The following AUH variants were observed in gnomAD, a reference collection of about 807,000 sequenced individuals.
The protein encoded by AUH is methylglutaconyl-CoA hydratase, mitochondrial.
A neutral mutation model predicts 42.3 loss-of-function variants in AUH; 29 were observed. That is an observed-to-expected ratio of 0.69 (90% CI 0.51 to 0.93). AUH has a LOEUF of 0.93. Ranked by LOEUF, AUH falls within the 40% of genes least tolerant of loss-of-function variation. The pLI, the probability that AUH is intolerant of heterozygous loss-of-function variation, is 0.00. For synonymous variants in AUH, 174 were observed against 166.4 expected (o/e 1.05, Z -0.35); for missense variants, 452 against 438.1 (o/e 1.03, Z -0.28).
At chr9:91,225,542 TTTTTTA>T (rs1440797298) in intron 6 of AUH, among the ~76,000 whole-genome samples, 1 of 150,632 alleles carries the variant, frequency 6.6e-6, no homozygotes, top group East Asian at 2.0e-4. Context: ...CCAGTTCTTT[TTTTTTA>T]TTATTATTAT....
chr9:91,228,723 G>C (rs1433455391), intron 6 of AUH, among the ~76,000 whole-genome samples: 1 of 151,138 alleles, frequency 6.6e-6, no homozygotes, highest in Non-Finnish European at 1.5e-5. Flanking sequence ...ACACTGCTTT[G>C]AATGTGTCCC....
intron 3 of AUH, among the ~76,000 whole-genome samples, chr9:91,345,460 T>C (rs2132008021): frequency 6.6e-6 from 1 of 152,158 alleles, no homozygotes; most frequent in East Asian, 1.9e-4. Flanking sequence ...TCAAAATATA[T>C]GAAAAACTTA....
At chr9:91,317,044 T>C (rs1829212430) in intron 4 of AUH, among the ~76,000 whole-genome samples, 2 of 152,224 alleles carry the variant, frequency 1.3e-5, no homozygotes, top group African/African-American at 4.8e-5. Flanking sequence ...ACATATCAAC[T>C]TCCCCACTTG....
intron 3 of AUH, among the ~76,000 whole-genome samples, chr9:91,344,462 A>C (rs1446756539): frequency 1.3e-5 from 2 of 152,170 alleles, no homozygotes; most frequent in Admixed American, 1.3e-4. Context: ...CATTCTCATG[A>C]TCTCCTGGGG....
At chr9:91,244,669 G>T (rs1828699100) in intron 6 of AUH, among the ~76,000 whole-genome samples, 1 of 152,122 alleles carries the variant, frequency 6.6e-6, no homozygotes, top group Non-Finnish European at 1.5e-5. Context: ...GTGTCCTGAG[G>T]GTTCTAAACC....
intron 3 of AUH, among the ~76,000 whole-genome samples, chr9:91,337,304 T>A (rs965108217): frequency 2.0e-5 from 3 of 152,242 alleles, no homozygotes; most frequent in Non-Finnish European, 4.4e-5. Context: ...TTAAGAGGTA[T>A]GAATACTAAC....
intron 6 of AUH, among the ~76,000 whole-genome samples, chr9:91,244,478 A>C (rs1236469621): frequency 1.3e-5 from 2 of 152,244 alleles, no homozygotes; most frequent in African/African-American, 4.8e-5. Context: ...TGTTTTAACA[A>C]ATTTTTTAGT....
chr9:91,343,623 G>A lies in AUH; in HGVS notation c.418+12260C>T, dbSNP rs548718836. On this transcript the variant is annotated intron_variant, in intron 3 of 9. Transcript: ENST00000375731. ...TACTAAAAATACAAAAATTAGCCAGGTGTGGTGGTGCATGCCTGTAATCCC... is the reference window on the plus strand; with the variant it reads ...TACTAAAAATACAAAAATTAGCCAGATGTGGTGGTGCATGCCTGTAATCCC... 8.5e-5 allele frequency among the ~76,000 whole-genome samples: 13 copies of A among 152,258 alleles called. No homozygotes were observed. In the South Asian group the frequency reaches 2.7e-3, roughly 32 times the overall value.
intron 9 of AUH, 33 bp from the exon 10 acceptor site, chr9:91,214,458 A>T: frequency 6.6e-7 from 1 of 1,525,172 alleles, no homozygotes; most frequent in East Asian, 2.3e-5. Context: ...TATGTCAAAA[A>T]TGTTAAAACA....
chr9:91,243,131 G>T lies in AUH; in HGVS notation c.656-22139C>A, dbSNP rs140243338. On this transcript the variant is annotated intron_variant, in intron 6 of 9. Transcript: ENST00000375731. Reference sequence around the variant, plus strand: ...GAAAACTGAAGGCTCAGAGCAGTAAGGTGGCCACCAGATCCATATGCACTA... The same window carrying T: ...GAAAACTGAAGGCTCAGAGCAGTAATGTGGCCACCAGATCCATATGCACTA... Among the ~76,000 whole-genome samples the T allele has an allele frequency of 1.2e-3, 189 of 152,264 alleles. 2 individuals are homozygous for T. The highest frequency in any genetic ancestry group is 2.4e-3 in the Non-Finnish European group (161 of 68,030).
At chr9:91,303,099 T>C (rs572595179) in intron 4 of AUH, among the ~76,000 whole-genome samples, 4 of 152,244 alleles carry the variant, frequency 2.6e-5, no homozygotes, top group African/African-American at 9.6e-5. Context: ...AATTAAACAG[T>C]TTGCTATTTT....
At position 91,215,236 on chromosome 9, in the gene AUH, T is replaced by G. The variant is rs562000745; in HGVS notation, c.943-811A>C. ...AAAAGGGAAAACATTTTTTTTTTCC[T>G]CTCCAGGAAGACCTAATAATTTGTA... On this transcript the variant is annotated intron_variant, in intron 9 of 9. Coordinates refer to ENST00000375731, the MANE Select transcript of AUH (RefSeq NM_001698.3). Among the ~76,000 whole-genome samples, 15 of 152,274 alleles carry G rather than the reference T, an allele frequency of 9.9e-5. No homozygotes were observed. The East Asian group carries it at 1.4e-3, about 14-fold the overall frequency.
chr9:91,256,279 A>C (rs910488107), intron 6 of AUH, among the ~76,000 whole-genome samples: 4 of 152,176 alleles, frequency 2.6e-5, no homozygotes, highest in African/African-American at 9.7e-5. Context: ...TTATTCTGAA[A>C]TATGACATCT....
At chr9:91,296,194 A>ATTATTTTTTTTTTTTTTTTTTT in intron 5 of AUH, 117 bp from the exon 6 acceptor site, 9 of 1,019,502 alleles carry the variant, frequency 8.8e-6, no homozygotes, top group East Asian at 6.1e-5. Flanking sequence ...GATATCACAA[A>ATTATTTTTTTTTTTTTTTTTTT]TTCTTAAAAA....
intron 8 of AUH, among the ~76,000 whole-genome samples, chr9:91,216,439 G>GACAC (rs113531404): frequency 0.026 from 3,921 of 149,600 alleles, 100 homozygotes; most frequent in East Asian, 0.14. Context: ...TTTATGTCGC[G>GACAC]ACACACACAC....
rs528401491 is a variant in AUH at position 91,332,228 on chromosome 9, G to A, written c.419-6824C>T. 5.1e-4 allele frequency among the ~76,000 whole-genome samples: 78 copies of A among 152,300 alleles called. 1 individual carries two copies. The South Asian group carries it at 0.012, about 24-fold the overall frequency. On this transcript the variant is annotated intron_variant, in intron 3 of 9. Coordinates refer to ENST00000375731, the MANE Select transcript of AUH (RefSeq NM_001698.3). ...ATACCGCATTTAAAACAAGCTGGGC[G>A]CGGTGGCTCACGCCTGGAATCACAG... is the stretch of plus-strand genomic sequence containing the variant.
intron 5 of AUH, 57 bp from the exon 6 acceptor site, chr9:91,296,134 A>C: frequency 6.5e-7 from 1 of 1,544,222 alleles, no homozygotes; most frequent in Non-Finnish European, 8.9e-7. Flanking sequence ...CAAATATGAC[A>C]ACTTGAAAAA....
chr9:91,335,927 A>T (rs1305201358), intron 3 of AUH, among the ~76,000 whole-genome samples: 2 of 152,180 alleles, frequency 1.3e-5, no homozygotes, highest in Admixed American at 6.5e-5. Flanking sequence ...AATTTTCATA[A>T]ATAGTCCATG....
chr9:91,232,038 G>A (rs781076902), intron 6 of AUH, among the ~76,000 whole-genome samples: 7 of 152,186 alleles, frequency 4.6e-5, no homozygotes, highest in African/African-American at 7.2e-5. Context: ...TGGTGAAGTC[G>A]TGGATATGTT....
Sources: gnomAD v4.1 joint callset for allele counts (sites outside exome capture counted in the v4.1 genomes callset) on GRCh38, gnomAD v4.1.1 for gene constraint, MANE v1.5 for transcripts, NCBI Gene and HGNC (gene_info 2026-07-23, HGNC 2026-07-21) for gene names.